The following GRIN3A variants were observed in gnomAD, a reference collection of about 807,000 sequenced individuals.
GRIN3A encodes glutamate ionotropic receptor NMDA type subunit 3A, also known as glutamate receptor ionotropic, NMDA 3A.
A neutral mutation model predicts 92.4 loss-of-function variants in GRIN3A; 47 were observed. That is an observed-to-expected ratio of 0.51 (90% confidence interval 0.40 to 0.65). The LOEUF is 0.65. GRIN3A is among the 30% of genes least tolerant of loss of function. The pLI is 0.00. For synonymous variants in GRIN3A, 527 were observed against 540.6 expected, an observed-to-expected ratio of 0.97 and a Z score of 0.35; for missense variants, 1,324 against 1,393.1, an observed-to-expected ratio of 0.95 and a Z score of 0.79.
chr9:101,659,814 C>G (rs1829147634), intron 3 of GRIN3A, among the ~76,000 whole-genome samples: 1 of 151,806 alleles, frequency 6.6e-6, no homozygotes, highest in African/African-American at 2.4e-5. Flanking sequence ...ATATGAATTA[C>G]TGTATCTATT....
At chr9:101,667,897 A>AAG (rs1829262477) in intron 3 of GRIN3A, among the ~76,000 whole-genome samples, 1 of 152,118 alleles carries the variant, frequency 6.6e-6, no homozygotes, top group East Asian at 1.9e-4. Context: ...GAACCTACAA[A>AAG]AGAGATATTT....
rs377559071 is a variant in GRIN3A, at chr9:101,737,618, G to A, written c.362C>T (p.Ala121Val). Residue 121 changes from alanine (A) to valine (V), a missense_variant, in exon 1 of 9, where the codon GCC becomes GTC. Coordinates refer to ENST00000361820, the MANE Select transcript of GRIN3A (RefSeq NM_133445.3). ...RKPGEGARAE[A>V]LWPRDALLFA... The stretch of plus-strand genomic sequence containing the variant: ...TAGGAGGGCGTCCCGTGGCCACAGG[G>A]CCTCCGCCCTGGCGCCCTCCCCGGG... 9 of 1,613,036 alleles carry A rather than the reference G, an allele frequency of 5.6e-6. No individual in the cohort carries two copies. The highest frequency in any genetic ancestry group is 7.6e-6 in the Non-Finnish European group (9 of 1,179,928).
chr9:101,662,292 GA>G (rs1829181329), intron 3 of GRIN3A, among the ~76,000 whole-genome samples: 1 of 151,726 alleles, frequency 6.6e-6, no homozygotes, highest in Non-Finnish European at 1.5e-5. Flanking sequence ...TGGGTGGGGG[GA>G]ATGATTGTTC....
intron 1 of GRIN3A, among the ~76,000 whole-genome samples, chr9:101,698,940 T>G (rs969476810): frequency 6.6e-6 from 1 of 152,116 alleles, no homozygotes; most frequent in African/African-American, 2.4e-5. Context: ...AGTGCTGGGA[T>G]TACAGGTGTG....
intron 1 of GRIN3A, among the ~76,000 whole-genome samples, chr9:101,692,137 T>A (rs4403466): frequency 6.6e-6 from 1 of 152,196 alleles, no homozygotes; most frequent in Non-Finnish European, 1.5e-5. Context: ...TCTATTTTCA[T>A]ACAATGGTCT....
chr9:101,636,240 T>G (rs552256371), intron 3 of GRIN3A, among the ~76,000 whole-genome samples: 54 of 152,348 alleles, frequency 3.5e-4, no homozygotes, highest in African/African-American at 1.2e-3. Context: ...TTCCACATCC[T>G]TTTCGTCCAG....
chr9:101,706,916 C>G (rs1483451810), intron 1 of GRIN3A, among the ~76,000 whole-genome samples: 1 of 152,178 alleles, frequency 6.6e-6, no homozygotes. Flanking sequence ...GGAGATTGAT[C>G]TCCCTTTTTT....
intron 3 of GRIN3A, 137 bp downstream of exon 3, chr9:101,669,923 T>G (rs1170609097): frequency 3.0e-6 from 2 of 667,812 alleles, no homozygotes; most frequent in Non-Finnish European, 5.1e-6. Context: ...GGCAACAGAC[T>G]TTTGGACTAG....
At chr9:101,584,823 G>A (rs571820785) in intron 6 of GRIN3A, among the ~76,000 whole-genome samples, 1 of 152,210 alleles carries the variant, frequency 6.6e-6, no homozygotes, top group Non-Finnish European at 1.5e-5. Flanking sequence ...ATTTTGTTCA[G>A]ATGTCGTCAC....
At chr9:101,691,400 A>C (rs1233077481) in intron 1 of GRIN3A, among the ~76,000 whole-genome samples, 1 of 152,212 alleles carries the variant, frequency 6.6e-6, no homozygotes, top group Non-Finnish European at 1.5e-5. Flanking sequence ...AGAAGAAACT[A>C]GGAAATATTA....
intron 6 of GRIN3A, among the ~76,000 whole-genome samples, chr9:101,597,321 A>G (rs1335190075): frequency 6.6e-6 from 1 of 151,872 alleles, no homozygotes; most frequent in African/African-American, 2.4e-5. Flanking sequence ...GTCGGGGGGA[A>G]GTGGGGGCTG....
chr9:101,639,728 C>T (rs1476286342), intron 3 of GRIN3A, among the ~76,000 whole-genome samples: 1 of 152,130 alleles, frequency 6.6e-6, no homozygotes, highest in Admixed American at 6.5e-5. Flanking sequence ...AATATTAAAG[C>T]ATGTCCAATC....
At chr9:101,661,046 G>A (rs775150726) in intron 3 of GRIN3A, among the ~76,000 whole-genome samples, 6 of 151,762 alleles carry the variant, frequency 4.0e-5, no homozygotes, top group Admixed American at 6.6e-5. Context: ...TCCTAGGAGG[G>A]GAATAAACTG....
chr9:101,718,503 TGAG>T (rs1829973291), intron 1 of GRIN3A, among the ~76,000 whole-genome samples: 1 of 152,128 alleles, frequency 6.6e-6, no homozygotes, highest in African/African-American at 2.4e-5. Context: ...GAAGAATAAA[TGAG>T]GAGAGGAGTG....
Position 101,671,033 on chromosome 9 carries a change from T to C in GRIN3A, c.1379A>G (p.Glu460Gly). ...AAGATTCCAGATGAAAAAGTTGTTT[T>C]CTGAGCTGACGATGGTGGAACCTTT... Reference protein sequence around the residue: ...RVKGSTIVSSENNFFIWNLQH... With the variant: ...RVKGSTIVSSGNNFFIWNLQH... Residue 460 changes from glutamate to glycine, a missense_variant, in exon 3 of 9, where the codon GAA (glutamate) becomes GGA (glycine). By Grantham distance (98) the Glu-to-Gly change is moderately conservative (BLOSUM62 -2). Transcript: ENST00000361820. The C allele has an allele frequency of 6.2e-7, 1 of 1,613,992 alleles. No homozygotes were observed. Among genetic ancestry groups the C allele is most frequent in the East Asian group, 2.2e-5 (1 of 44,856 alleles).
At chr9:101,598,485 C>G (rs1324764576) in intron 6 of GRIN3A, among the ~76,000 whole-genome samples, 1 of 152,100 alleles carries the variant, frequency 6.6e-6, no homozygotes, top group Non-Finnish European at 1.5e-5. Context: ...AACCCAACAT[C>G]AAATCTTAAC....
Position 101,573,482 on chromosome 9 carries a change from A to T in GRIN3A, c.3040T>A (p.Trp1014Arg), listed in dbSNP as rs1448955762. Residue 1014 changes from tryptophan (W) to arginine (R), a missense_variant, in exon 9 of 9, where the codon TGG (tryptophan) becomes AGG (arginine). By Grantham distance (101) the Trp-to-Arg change is moderately radical. Transcript: ENST00000361820. ...SNVGPRQLTV[W>R]NTSNLSHDNR... The stretch of plus-strand genomic sequence containing the variant: ...TCATGACTCAGATTGGAAGTATTCC[A>T]TACGGTAAGCTGACGGGGTCCCACA... 6.2e-7 allele frequency: 1 copy of T among 1,613,904 alleles called. No individual in the cohort carries two copies. The highest frequency in any genetic ancestry group is 2.2e-5 in the East Asian group (1 of 44,882).
chr9:101,719,017 A>T (rs1330473211), intron 1 of GRIN3A, among the ~76,000 whole-genome samples: 1 of 152,226 alleles, frequency 6.6e-6, no homozygotes, highest in Non-Finnish European at 1.5e-5. Flanking sequence ...GGCAAAAATT[A>T]TGAGGGCAGT....
At chr9:101,716,202 G>A (rs549135047) in intron 1 of GRIN3A, among the ~76,000 whole-genome samples, 4 of 152,248 alleles carry the variant, frequency 2.6e-5, no homozygotes, top group Admixed American at 1.3e-4. Flanking sequence ...ACATAGAAAT[G>A]TCAGTTTTTT....
Sources: gnomAD v4.1 joint callset for allele counts (sites outside exome capture counted in the v4.1 genomes callset) on GRCh38, gnomAD v4.1.1 for gene constraint, MANE v1.5 for transcripts, NCBI Gene and HGNC (gene_info 2026-07-23, HGNC 2026-07-21) for gene names.